SMAD3: variants seen among roughly 807,000 people sequenced by gnomAD.
SMAD3 encodes MAD homolog 3.
In SMAD3, 12 loss-of-function variants were observed where a neutral mutation model predicts 51.8. The observed-to-expected ratio is 0.23, with a 90% CI of 0.15 to 0.38. SMAD3 has a LOEUF of 0.38. Ranked by LOEUF, SMAD3 falls within the 10% of genes least tolerant of loss-of-function variation. The pLI is 1.00. For missense variants in SMAD3, 294 were observed against 565.6 expected (o/e 0.52, Z 4.87); for synonymous variants, 238 against 227.7 (o/e 1.05, Z -0.41).
intron 1 of SMAD3, among the ~76,000 whole-genome samples, chr15:67,067,775 C>G (rs1261243301): frequency 1.3e-5 from 2 of 152,122 alleles, no homozygotes; most frequent in African/African-American, 4.8e-5. Flanking sequence ...GGGGAAGTCT[C>G]TGGGCGTGTG....
intron 1 of SMAD3, among the ~76,000 whole-genome samples, chr15:67,082,577 G>A (rs2140205746): frequency 6.6e-6 from 1 of 152,316 alleles, no homozygotes; most frequent in South Asian, 2.1e-4. Flanking sequence ...TTCTCTGAAA[G>A]CATATATATA....
At chr15:67,148,037 T>TA (rs1387138917) in intron 1 of SMAD3, among the ~76,000 whole-genome samples, 1 of 152,224 alleles carries the variant, frequency 6.6e-6, no homozygotes, top group African/African-American at 2.4e-5. Flanking sequence ...TTTGATTACT[T>TA]ATTTGCTCTG....
intron 8 of SMAD3, among the ~76,000 whole-genome samples, chr15:67,188,776 T>C (rs1160989300): frequency 6.6e-6 from 1 of 152,266 alleles, no homozygotes; most frequent in East Asian, 1.9e-4. Context: ...CATTTCAATA[T>C]TGGCCTTGGG....
chr15:67,111,684 A>G (rs1055664543), intron 1 of SMAD3, among the ~76,000 whole-genome samples: 1 of 152,148 alleles, frequency 6.6e-6, no homozygotes, highest in Non-Finnish European at 1.5e-5. Context: ...TATTTTAGCC[A>G]TTCTAGTGGA....
intron 1 of SMAD3, among the ~76,000 whole-genome samples, chr15:67,074,182 A>T (rs1330352760): frequency 2.6e-5 from 4 of 152,226 alleles, no homozygotes; most frequent in African/African-American, 9.6e-5. Flanking sequence ...AGTCTAAATC[A>T]GTGAAATTTA....
chr15:67,189,555 G>A (rs1250601606), intron 8 of SMAD3, among the ~76,000 whole-genome samples: 2 of 152,212 alleles, frequency 1.3e-5, no homozygotes, highest in Admixed American at 6.5e-5. Flanking sequence ...GGGCGGGCGC[G>A]GCCCCTTCCC....
intron 1 of SMAD3, among the ~76,000 whole-genome samples, chr15:67,074,984 G>C (rs1346494913): frequency 6.6e-6 from 1 of 151,918 alleles, no homozygotes; most frequent in Non-Finnish European, 1.5e-5. Context: ...ATCACAAACT[G>C]CCAAGCCAAG....
chr15:67,087,989 T>A (rs1960430272), intron 1 of SMAD3, among the ~76,000 whole-genome samples: 1 of 152,222 alleles, frequency 6.6e-6, no homozygotes, highest in South Asian at 2.1e-4. Flanking sequence ...AGAGTTCTTG[T>A]ACTGACATGG....
At chr15:67,183,000 A>AAAAAATAT (rs61323717) in intron 6 of SMAD3, among the ~76,000 whole-genome samples, 1 of 43,646 alleles carries the variant, frequency 2.3e-5, no homozygotes, top group Non-Finnish European at 3.6e-5. Context: ...AAAAAAAAAA[A>AAAAAATAT]ATATATATAT....
intron 1 of SMAD3, among the ~76,000 whole-genome samples, chr15:67,073,193 T>TTCTCTC (rs1431997441): frequency 6.6e-6 from 1 of 152,230 alleles, no homozygotes; most frequent in African/African-American, 2.4e-5. Context: ...CTCTTTCTCT[T>TTCTCTC]TCTCTCTGTA....
At chr15:67,098,835 C>G (rs1430951391) in intron 1 of SMAD3, 1 of 699,354 alleles carries the variant, frequency 1.4e-6, no homozygotes, top group Non-Finnish European at 2.6e-6. Context: ...CACTGTTGCT[C>G]AGCTGGGGGA....
chr15:67,165,781 T>C (rs1423129103), intron 3 of SMAD3, among the ~76,000 whole-genome samples: 3 of 152,240 alleles, frequency 2.0e-5, no homozygotes, highest in Non-Finnish European at 4.4e-5. Flanking sequence ...TGCGGAGAGC[T>C]GGCTCTGTAA....
chr15:67,174,977 C>T (rs1417184962), intron 5 of SMAD3, among the ~76,000 whole-genome samples: 3 of 152,286 alleles, frequency 2.0e-5, no homozygotes, highest in African/African-American at 2.4e-5. Flanking sequence ...GGCAGGCTCT[C>T]GGAGACCCTG....
In SMAD3 at chr15:67,065,976, A is replaced by T. The variant is rs1291199837; in HGVS notation, c.-179A>T. On this transcript the variant is annotated 5_prime_UTR_variant, in exon 1 of 9. Coordinates refer to ENST00000327367, the MANE Select transcript of SMAD3 (RefSeq NM_005902.4). ...GCTCCGGGCGCAGGGCCGCGCGCCGAGCCCCGCAGGCTGCAGCGCCGCGGC... is the reference window on the plus strand; with the variant it reads ...GCTCCGGGCGCAGGGCCGCGCGCCGTGCCCCGCAGGCTGCAGCGCCGCGGC... 4.6e-6 allele frequency: 1 copy of T among 216,400 alleles called. No homozygotes were observed. The highest frequency in any genetic ancestry group is 9.0e-6 in the Non-Finnish European group (1 of 111,360). 13.4% of individuals were successfully genotyped at this position (216,400 alleles called of 1,614,324 possible).
At chr15:67,098,322 A>AGGAGGGAGGGAG (rs1279427816) in intron 1 of SMAD3, among the ~76,000 whole-genome samples, 1 of 83,762 alleles carries the variant, frequency 1.2e-5, no homozygotes, top group Non-Finnish European at 2.3e-5. Flanking sequence ...AAAAGAAGGA[A>AGGAGGGAGGGAG]GGAGGGAGGG....
At chr15:67,088,169 G>A (rs1411744313) in intron 1 of SMAD3, among the ~76,000 whole-genome samples, 2 of 152,212 alleles carry the variant, frequency 1.3e-5, no homozygotes, top group Non-Finnish European at 2.9e-5. Flanking sequence ...TCTGGTCTGG[G>A]GTTGGTTTTC....
At chr15:67,109,776 C>T (rs775385379) in intron 1 of SMAD3, among the ~76,000 whole-genome samples, 1 of 152,226 alleles carries the variant, frequency 6.6e-6, no homozygotes, top group Non-Finnish European at 1.5e-5. Flanking sequence ...CACCCGCGTG[C>T]CCCTTACGCT....
chr15:67,098,153 G>A (rs951439430), intron 1 of SMAD3, among the ~76,000 whole-genome samples: 3 of 152,214 alleles, frequency 2.0e-5, no homozygotes, highest in East Asian at 3.9e-4. Flanking sequence ...GAGCTAACAC[G>A]GTGAGTCTTC....
chr15:67,066,658 G>A (rs1324507416), intron 1 of SMAD3, among the ~76,000 whole-genome samples: 2 of 152,198 alleles, frequency 1.3e-5, no homozygotes, highest in African/African-American at 4.8e-5. Flanking sequence ...TGCGGGACTC[G>A]GCCGCCCCCA....
Sources: gnomAD v4.1 joint callset for allele counts (sites outside exome capture counted in the v4.1 genomes callset) on GRCh38, gnomAD v4.1.1 for gene constraint, MANE v1.5 for transcripts, NCBI Gene and HGNC (gene_info 2026-07-23, HGNC 2026-07-21) for gene names.